The following NFIB variants were observed in gnomAD, a reference collection of about 807,000 sequenced individuals.
The protein encoded by NFIB is nuclear factor 1 B-type.
A neutral mutation model predicts 61.5 loss-of-function variants in NFIB; 11 were observed. The observed-to-expected ratio is 0.18, with a 90% CI of 0.11 to 0.30. The LOEUF is 0.30. Among genes scored for constraint, NFIB ranks in the 10% least tolerant of loss-of-function variants. NFIB has a pLI of 1.00. For missense variants in NFIB, 471 were observed against 608.9 expected (o/e 0.77, Z 2.38); for synonymous variants, 260 against 216.5 (o/e 1.20, Z -1.76).
At chr9:14,338,631 A>C (rs112057659) in intron 1 of NFIB, among the ~76,000 whole-genome samples, 3 of 152,142 alleles carry the variant, frequency 2.0e-5, no homozygotes, top group African/African-American at 7.2e-5. Flanking sequence ...ACCAGAAAAC[A>C]TGTGAAATAT....
Position 14,086,937 on chromosome 9 carries a change from A to C in NFIB, c.*1372T>G, listed in dbSNP as rs2032952136. The C allele has an allele frequency of 4.9e-6, 1 of 203,216 alleles. No individual in the cohort carries two copies. Among genetic ancestry groups the C allele is most frequent in the African/African-American group, 2.3e-5 (1 of 43,622 alleles). The allele number at this position is 203,216 out of a possible 1,614,324, so 12.6% of individuals were successfully genotyped here. ...ATGTGTCTGCCCATGCACACTATGG[A>C]TCTGTCAATACAAGAAATTTGTTGA... On this transcript the variant is annotated 3_prime_UTR_variant, in exon 11 of 11. Coordinates refer to ENST00000380953, the MANE Select transcript of NFIB (RefSeq NM_001190737.2).
chr9:14,082,028 C>T lies in NFIB; in HGVS notation c.*6281G>A, dbSNP rs1264049589. 3 of 211,642 alleles carry T rather than the reference C, an allele frequency of 1.4e-5. No individual in the cohort carries two copies. In the East Asian group the frequency reaches 2.1e-4, roughly 15 times the overall value. The allele number at this position is 211,642 out of a possible 1,614,324, so 13.1% of individuals were successfully genotyped here. On this transcript the variant is annotated 3_prime_UTR_variant, in exon 11 of 11. Transcript: ENST00000380953. ...AACTTGTGGCAATTGAGTTCATTTG[C>T]AACCCACAAAAAGTACCCAAAGAAC...
chr9:14,440,760 C>T, the NFIB span, among the ~76,000 whole-genome samples: 9 of 152,282 alleles, frequency 5.9e-5, no homozygotes, highest in East Asian at 1.9e-4. Flanking sequence ...CACTACATTA[C>T]GTGTTCATGT....
the NFIB span, among the ~76,000 whole-genome samples, chr9:14,423,541 G>C: frequency 6.6e-6 from 1 of 152,276 alleles, no homozygotes; most frequent in Non-Finnish European, 1.5e-5. Flanking sequence ...AGTTCGAAGA[G>C]GTAAAAGGGT....
At chr9:14,450,953 G>T in the NFIB span, among the ~76,000 whole-genome samples, 1 of 152,188 alleles carries the variant, frequency 6.6e-6, no homozygotes, top group South Asian at 2.1e-4. Context: ...TTCAGGGTTG[G>T]TATCACTAAT....
chr9:14,209,136 A>G (rs1171402507), intron 2 of NFIB, among the ~76,000 whole-genome samples: 2 of 152,218 alleles, frequency 1.3e-5, no homozygotes, highest in Admixed American at 6.5e-5. Context: ...ATATAGTGGG[A>G]AAAATGCTGC....
chr9:14,169,737 G>C (rs1363275919), intron 3 of NFIB, among the ~76,000 whole-genome samples: 4 of 152,218 alleles, frequency 2.6e-5, no homozygotes, highest in Admixed American at 2.6e-4. Context: ...AGAATTGCTT[G>C]AACCTGGGAG....
At chr9:14,163,223 A>T (rs1417730862) in intron 3 of NFIB, among the ~76,000 whole-genome samples, 1 of 152,038 alleles carries the variant, frequency 6.6e-6, no homozygotes, top group Non-Finnish European at 1.5e-5. Flanking sequence ...TAAGAATGCA[A>T]TCAAGGCAGC....
chr9:14,487,876 G>C, the NFIB span, among the ~76,000 whole-genome samples: 1 of 152,134 alleles, frequency 6.6e-6, no homozygotes, highest in Non-Finnish European at 1.5e-5. Context: ...TCAGTCAGGG[G>C]CATGGGCAGG....
chr9:14,499,686 CA>C, the NFIB span, among the ~76,000 whole-genome samples: 1 of 152,156 alleles, frequency 6.6e-6, no homozygotes, highest in African/African-American at 2.4e-5. Context: ...CAGCCAGAAA[CA>C]TGGCAGAAGT....
chr9:14,286,413 G>C (rs1205250953), intron 2 of NFIB, among the ~76,000 whole-genome samples: 2 of 152,114 alleles, frequency 1.3e-5, no homozygotes, highest in Admixed American at 1.3e-4. Context: ...AAGCATGCTT[G>C]TATGCTTGTT....
intron 6 of NFIB, 36 bp from the exon 7 acceptor site, chr9:14,125,802 C>T: frequency 3.7e-6 from 6 of 1,607,916 alleles, no homozygotes; most frequent in Non-Finnish European, 5.1e-6. Context: ...AGCTCCATGA[C>T]TTTCTTAAGC....
At chr9:14,367,917 A>T (rs2061319768) in intron 1 of NFIB, among the ~76,000 whole-genome samples, 1 of 152,152 alleles carries the variant, frequency 6.6e-6, no homozygotes, top group African/African-American at 2.4e-5. Context: ...ATTAGGAGAA[A>T]TACCTAATGT....
At chr9:14,518,112 G>C in the NFIB span, among the ~76,000 whole-genome samples, 110,394 of 151,696 alleles carry the variant, frequency 0.73, 40,312 homozygotes, top group Admixed American at 0.77. Context: ...AGTTACAAAT[G>C]CAGTGTTGAT....
At chr9:14,145,437 A>G (rs935212343) in intron 6 of NFIB, among the ~76,000 whole-genome samples, 1 of 152,134 alleles carries the variant, frequency 6.6e-6, no homozygotes, top group Non-Finnish European at 1.5e-5. Context: ...CAATGTCTCC[A>G]TGAAGATTTT....
At chr9:14,336,592 A>C (rs540848341) in intron 1 of NFIB, among the ~76,000 whole-genome samples, 2 of 152,310 alleles carry the variant, frequency 1.3e-5, no homozygotes, top group Admixed American at 1.3e-4. Context: ...TATGCTCTGA[A>C]GCTGCGGTCC....
At chr9:14,459,582 CCTACAG>C in the NFIB span, among the ~76,000 whole-genome samples, 1 of 151,982 alleles carries the variant, frequency 6.6e-6, no homozygotes, top group Non-Finnish European at 1.5e-5. Flanking sequence ...GAAAAGGCAA[CCTACAG>C]AATGGGAGAA....
intron 1 of NFIB, among the ~76,000 whole-genome samples, chr9:14,358,780 A>C (rs1053676930): frequency 2.0e-4 from 30 of 152,074 alleles, no homozygotes; most frequent in African/African-American, 6.5e-4. Flanking sequence ...ACTCATATCA[A>C]CTCATCCAAA....
chr9:14,218,728 G>C (rs887680797), intron 2 of NFIB, among the ~76,000 whole-genome samples: 1 of 152,220 alleles, frequency 6.6e-6, no homozygotes, highest in Admixed American at 6.5e-5. Context: ...TTCCCCAGGA[G>C]CTGAAATTGG....
Sources: gnomAD v4.1 joint callset for allele counts (sites outside exome capture counted in the v4.1 genomes callset) on GRCh38, gnomAD v4.1.1 for gene constraint, MANE v1.5 for transcripts, NCBI Gene and HGNC (gene_info 2026-07-23, HGNC 2026-07-21) for gene names.